The following STK40 variants were observed in gnomAD, a reference collection of about 807,000 sequenced individuals.
STK40 encodes serine/threonine kinase 40.
In STK40, 13 loss-of-function variants were observed where a neutral mutation model predicts 47.9. The observed-to-expected ratio is 0.27, with a 90% confidence interval of 0.18 to 0.43. STK40 has a LOEUF of 0.43. STK40 is among the 20% of genes least tolerant of loss of function. The pLI, the probability that STK40 is intolerant of heterozygous loss-of-function variation, is 1.00. For synonymous variants in STK40, 225 were observed against 243.2 expected, an observed-to-expected ratio of 0.93 and a Z score of 0.69; for missense variants, 460 against 595.1, an observed-to-expected ratio of 0.77 and a Z score of 2.36.
intron 1 of STK40, among the ~76,000 whole-genome samples, chr1:36,380,208 G>A (rs1647028006): frequency 6.6e-6 from 1 of 152,238 alleles, no homozygotes; most frequent in South Asian, 2.1e-4. Context: ...ACCTGAGCAG[G>A]TGGAGGAGAA....
At chr1:36,346,812 A>G (rs190506248) in intron 7 of STK40, among the ~76,000 whole-genome samples, 1 of 152,328 alleles carries the variant, frequency 6.6e-6, no homozygotes, top group East Asian at 1.9e-4. Context: ...CTGGTGCTGC[A>G]AGAGAGGAGT....
intron 1 of STK40, among the ~76,000 whole-genome samples, chr1:36,385,414 A>G (rs1204463573): frequency 6.6e-6 from 1 of 152,184 alleles, no homozygotes; most frequent in African/African-American, 2.4e-5. Flanking sequence ...ATCTGGCTGG[A>G]TTCACACGCC....
chr1:36,373,479 C>T (rs1167827776), intron 1 of STK40, among the ~76,000 whole-genome samples: 1 of 152,220 alleles, frequency 6.6e-6, no homozygotes, highest in Non-Finnish European at 1.5e-5. Flanking sequence ...GGCTTTTCCA[C>T]TGAGTCTGAA....
rs781087236 is a variant in STK40, at chr1:36,343,910, G to A, written c.954C>T (p.Arg318=). 2.5e-6 allele frequency: 4 copies of A among 1,607,298 alleles called. No individual in the cohort carries two copies. The Admixed American group carries it at 6.7e-5, about 27-fold the overall frequency. The change falls in exon 9 of 11, where the codon CGC becomes CGT. Residue 318 remains arginine (R), a synonymous_variant. Coordinates refer to ENST00000373132, the MANE Select transcript of STK40 (RefSeq NM_001282547.2). ...RKLLVLDPQQ[R]LAAADVLEAL... is the part of the protein sequence containing the mutation. ...CCTCCAGGACGTCGGCGGCGGCCAG[G>A]CGCTGCTGGGGGTCAAGGACCAGCA...
In STK40 at chr1:36,358,416, G is replaced by C. The variant is rs780725238; in HGVS notation, c.199-34C>G. 4 of 1,575,498 alleles carry C rather than the reference G, an allele frequency of 2.5e-6. No individual in the cohort carries two copies. The Admixed American group carries it at 5.2e-5, about 20-fold the overall frequency. ...AAGCATAAAAATAAAACCAAAACCA[G>C]AACACCTCACTTTACACAGCAGAAC... On this transcript the variant is annotated intron_variant, in intron 3 of 10. Coordinates refer to ENST00000373132, the MANE Select transcript of STK40 (RefSeq NM_001282547.2).
chr1:36,355,095 C>T (rs1194948267), intron 5 of STK40, 111 bp downstream of exon 5: 3 of 1,135,794 alleles, frequency 2.6e-6, no homozygotes, highest in African/African-American at 3.0e-5. Context: ...TTGGACACTC[C>T]CAGCTGCAAA....
chr1:36,354,369 G>A lies in STK40; in HGVS notation c.618C>T (p.Asn206=), dbSNP rs772614856. 1.2e-6 allele frequency: 2 copies of A among 1,614,082 alleles called. No individual in the cohort carries two copies. Among genetic ancestry groups the A allele is most frequent in the South Asian group, 1.1e-5 (1 of 91,090 alleles). ...RDLKLGNMVL[N]KRTHRITITN... ...TGTAGAGACAGGGATCTTACCTCTT[G>A]TTGAGCACCATGTTCCCCAGCTTCA... Residue 206 remains asparagine (N), a synonymous_variant, in exon 6 of 11, where the codon AAC becomes AAT. Transcript: ENST00000373132.
rs11263876 is a variant in STK40 at position 36,361,443 on chromosome 1, C to G, written c.-8-103G>C. 11,145 of 1,539,554 alleles carry G rather than the reference C, an allele frequency of 7.2e-3. 468 individuals carry two copies. The East Asian group carries it at 0.12, about 17-fold the overall frequency. ...GACTTGGGATGCATCACACAGCTGC[C>G]GCTGCTGCCTCCAACTCCTCCTGCT... On this transcript the variant is annotated intron_variant, in intron 1 of 10. Transcript: ENST00000373132.
chr1:36,382,067 C>T (rs1351297868), intron 1 of STK40, among the ~76,000 whole-genome samples: 1 of 152,196 alleles, frequency 6.6e-6, no homozygotes, highest in Non-Finnish European at 1.5e-5. Context: ...GTATTTTGAG[C>T]TACCACACTC....
intron 4 of STK40, among the ~76,000 whole-genome samples, chr1:36,357,834 C>T (rs1469459468): frequency 2.0e-5 from 3 of 152,142 alleles, no homozygotes; most frequent in Non-Finnish European, 4.4e-5. Context: ...CCAGGATGGT[C>T]TCGATCTCCT....
At chr1:36,346,287 C>T (rs189959593) in intron 7 of STK40, among the ~76,000 whole-genome samples, 30 of 152,218 alleles carry the variant, frequency 2.0e-4, no homozygotes, top group Non-Finnish European at 3.4e-4. Flanking sequence ...AGCCACCGCG[C>T]CTGGCTGGTT....
intron 6 of STK40, among the ~76,000 whole-genome samples, chr1:36,349,711 A>G (rs1646733569): frequency 7.2e-6 from 1 of 139,556 alleles, no homozygotes; most frequent in Non-Finnish European, 1.5e-5. Context: ...GAAAACTCAC[A>G]TGTGGACAAA....
At chr1:36,343,778 A>T (rs1183842826) in intron 9 of STK40, 82 bp downstream of exon 9, 7 of 1,504,454 alleles carry the variant, frequency 4.7e-6, no homozygotes, top group Non-Finnish European at 6.2e-6. Flanking sequence ...AAGCAGGCTG[A>T]CTACTGGCTG....
intron 1 of STK40, among the ~76,000 whole-genome samples, chr1:36,382,168 A>G (rs1297689150): frequency 1.3e-5 from 2 of 150,770 alleles, no homozygotes; most frequent in East Asian, 1.9e-4. Flanking sequence ...TTCTAAATAC[A>G]TTTACTCCCA....
intron 5 of STK40, 102 bp from the exon 6 acceptor site, chr1:36,354,518 A>G (rs1402625825): frequency 2.5e-6 from 3 of 1,211,858 alleles, no homozygotes; most frequent in Non-Finnish European, 2.4e-6. Flanking sequence ...GAAGGCAGGA[A>G]AAATTCTATG....
chr1:36,373,779 T>C (rs904900086), intron 1 of STK40, among the ~76,000 whole-genome samples: 7 of 152,238 alleles, frequency 4.6e-5, no homozygotes, highest in Non-Finnish European at 7.3e-5. Flanking sequence ...CAAGAATACA[T>C]AATATCACAT....
At chr1:36,349,283 C>T (rs1438215686) in intron 6 of STK40, among the ~76,000 whole-genome samples, 2 of 152,222 alleles carry the variant, frequency 1.3e-5, no homozygotes, top group African/African-American at 4.8e-5. Context: ...CAAGGGCTGG[C>T]CCCGAGCCAC....
chr1:36,362,152 T>C (rs758023777), intron 1 of STK40, among the ~76,000 whole-genome samples: 18 of 152,126 alleles, frequency 1.2e-4, no homozygotes, highest in Admixed American at 2.0e-4. Flanking sequence ...AAGGCGGACA[T>C]TGGGGCCAGA....
At position 36,374,566 on chromosome 1, in the gene STK40, G is replaced by A. The variant is rs144415933; in HGVS notation, c.-9+11157C>T. 1.8e-3 allele frequency among the ~76,000 whole-genome samples: 277 copies of A among 152,328 alleles called. 1 individual carries two copies. The highest frequency in any genetic ancestry group is 6.4e-3 in the African/African-American group (265 of 41,568). On this transcript the variant is annotated intron_variant, in intron 1 of 10. Coordinates refer to ENST00000373132, the MANE Select transcript of STK40 (RefSeq NM_001282547.2). ...CAGCTCTCCCCTCCCAAGGGCCTCC[G>A]GAAGCAGCTGATGTGACAACAAATA...
Sources: gnomAD v4.1 joint callset for allele counts (sites outside exome capture counted in the v4.1 genomes callset) on GRCh38, gnomAD v4.1.1 for gene constraint, MANE v1.5 for transcripts, NCBI Gene and HGNC (gene_info 2026-07-23, HGNC 2026-07-21) for gene names.